Variants in TMC1 observed in about 807,000 individuals in gnomAD.
TMC1 encodes the protein transmembrane channel-like protein 1.
Under a neutral mutation model 105.8 loss-of-function variants are expected in TMC1, and 84 were observed. The ratio of observed to expected loss-of-function variants is 0.79; its 90% CI spans 0.67 to 0.95. The LOEUF (loss-of-function observed/expected upper bound fraction) is 0.95. TMC1 is among the 40% of genes least tolerant of loss of function. The pLI is 0.00. For missense variants in TMC1, 817 were observed against 914.1 expected (o/e 0.89, Z 1.37); for synonymous variants, 315 against 311.5 (o/e 1.01, Z -0.12).
chr9:72,832,586 G>A (rs1829057985), intron 23 of TMC1, among the ~76,000 whole-genome samples: 2 of 152,136 alleles, frequency 1.3e-5, no homozygotes, highest in South Asian at 4.1e-4. Context: ...CACTGGGGAG[G>A]TCACACCTAC....
intron 1 of TMC1, among the ~76,000 whole-genome samples, chr9:72,571,479 G>A (rs759422990): frequency 9.1e-4 from 126 of 139,050 alleles, no homozygotes; most frequent in Admixed American, 2.7e-3. Context: ...GTGGAGTCTC[G>A]CTCTGTCGCC....
intron 4 of TMC1, among the ~76,000 whole-genome samples, chr9:72,631,754 C>G (rs970379807): frequency 1.3e-5 from 2 of 152,126 alleles, no homozygotes; most frequent in Non-Finnish European, 2.9e-5. Flanking sequence ...AACACCAAAT[C>G]TGAGCATGTG....
chr9:72,786,317 G>A (rs548276161), intron 13 of TMC1, among the ~76,000 whole-genome samples: 1 of 152,098 alleles, frequency 6.6e-6, no homozygotes, highest in Non-Finnish European at 1.5e-5. Flanking sequence ...GGTGGCGGGC[G>A]CCTGTAGTCC....
intron 5 of TMC1, among the ~76,000 whole-genome samples, chr9:72,650,078 T>A (rs1230378772): frequency 1.3e-5 from 2 of 152,202 alleles, no homozygotes; most frequent in Admixed American, 6.5e-5. Context: ...ATATATGCTG[T>A]TGCAGAAAAT....
chr9:72,527,881 A>G (rs947136641), intron 1 of TMC1, among the ~76,000 whole-genome samples: 7 of 152,128 alleles, frequency 4.6e-5, no homozygotes, highest in African/African-American at 1.7e-4. Flanking sequence ...TGATTCCCAC[A>G]TCTCCATTTA....
At chr9:72,830,602 C>T in intron 22 of TMC1, 29 bp from the exon 23 acceptor site, 3 of 1,611,982 alleles carry the variant, frequency 1.9e-6, no homozygotes, top group African/African-American at 2.7e-5. Flanking sequence ...GAGAAATCTA[C>T]TTTTTTCCCC....
At chr9:72,677,875 A>G (rs1451347469) in intron 5 of TMC1, among the ~76,000 whole-genome samples, 2 of 152,138 alleles carry the variant, frequency 1.3e-5, no homozygotes, top group Admixed American at 1.3e-4. Flanking sequence ...ATCCTGTAAT[A>G]TGAATGGTGT....
chr9:72,805,237 T>G (rs1474195231), intron 17 of TMC1, 145 bp from the exon 18 acceptor site: 21 of 659,138 alleles, frequency 3.2e-5, no homozygotes, highest in Middle Eastern at 5.7e-4. Flanking sequence ...TTTTATTTAC[T>G]TGATATGACT....
At chr9:72,551,449 C>T (rs1436583366) in intron 1 of TMC1, among the ~76,000 whole-genome samples, 1 of 152,132 alleles carries the variant, frequency 6.6e-6, no homozygotes, top group Non-Finnish European at 1.5e-5. Context: ...GCACTATGAG[C>T]CCATGATTTA....
intron 1 of TMC1, among the ~76,000 whole-genome samples, chr9:72,577,476 T>A (rs779451040): frequency 6.6e-6 from 1 of 152,216 alleles, no homozygotes; most frequent in Non-Finnish European, 1.5e-5. Flanking sequence ...GTGCACTTCA[T>A]AATGCCTCCA....
chr9:72,663,982 A>G (rs1826004782), intron 5 of TMC1, among the ~76,000 whole-genome samples: 1 of 152,158 alleles, frequency 6.6e-6, no homozygotes, highest in South Asian at 2.1e-4. Flanking sequence ...CACCACCTCC[A>G]CATCTTGTCC....
chr9:72,707,867 A>G (rs547421087), intron 8 of TMC1, among the ~76,000 whole-genome samples: 1 of 152,218 alleles, frequency 6.6e-6, no homozygotes, highest in African/African-American at 2.4e-5. Flanking sequence ...TTCTGATGTT[A>G]TCTTCCAGAA....
At chr9:72,580,929 A>G (rs1461601714) in intron 2 of TMC1, among the ~76,000 whole-genome samples, 1 of 152,188 alleles carries the variant, frequency 6.6e-6, no homozygotes, top group Non-Finnish European at 1.5e-5. Flanking sequence ...TGCTAGCATG[A>G]TGCCCCATCC....
intron 17 of TMC1, among the ~76,000 whole-genome samples, chr9:72,802,128 T>G (rs1488999685): frequency 6.6e-6 from 1 of 152,120 alleles, no homozygotes; most frequent in Non-Finnish European, 1.5e-5. Context: ...CATGGAGGCA[T>G]GTGTCTGTAG....
intron 1 of TMC1, among the ~76,000 whole-genome samples, chr9:72,570,505 T>C (rs1363837311): frequency 3.3e-5 from 5 of 151,990 alleles, no homozygotes; most frequent in Non-Finnish European, 7.4e-5. Flanking sequence ...TATATTCTTT[T>C]ATGTGGCCAT....
At chr9:72,613,731 C>G (rs1217294882) in intron 2 of TMC1, among the ~76,000 whole-genome samples, 1 of 151,916 alleles carries the variant, frequency 6.6e-6, no homozygotes, top group East Asian at 1.9e-4. Flanking sequence ...AGAATACTGA[C>G]AAGCGTGTTT....
rs71359515 is a variant in TMC1 at position 72,685,100 on chromosome 9, C to CTTTTTTTTTTTTT, written c.17-3597_17-3585dup. Reference sequence around the variant, plus strand: ...CAAACCTTACTGTTATAAAGTCATTCTTTTTTTTTTTTTTTTTTTTTTTTG... The same window carrying CTTTTTTTTTTTTT: ...CAAACCTTACTGTTATAAAGTCATTCTTTTTTTTTTTTTTTTTTTTTTTTTTTTTTTTTTTTTG... On this transcript the variant is annotated intron_variant, in intron 5 of 23. Coordinates refer to ENST00000297784, the MANE Select transcript of TMC1 (RefSeq NM_138691.3). Among the ~76,000 whole-genome samples, 57 of 91,042 alleles carry CTTTTTTTTTTTTT rather than the reference C, an allele frequency of 6.3e-4. 3 individuals are homozygous for CTTTTTTTTTTTTT. The highest frequency in any genetic ancestry group is 2.6e-3 in the African/African-American group (55 of 21,114). 59.7% of individuals were successfully genotyped at this position (91,042 alleles called of 152,430 possible). A position where few individuals can be genotyped will look rare whatever the true frequency, so the allele number is the denominator to read the frequency against.
intron 1 of TMC1, among the ~76,000 whole-genome samples, chr9:72,534,533 CAT>C (rs1287169901): frequency 6.6e-6 from 1 of 152,136 alleles, no homozygotes. Context: ...AGCTAACACA[CAT>C]GTAGATTATA....
At chr9:72,765,702 T>G (rs958020490) in intron 12 of TMC1, among the ~76,000 whole-genome samples, 2 of 151,470 alleles carry the variant, frequency 1.3e-5, no homozygotes, top group African/African-American at 4.9e-5. Flanking sequence ...TATGCTCAAG[T>G]CAGACTTTAT....
Sources: gnomAD v4.1 joint callset for allele counts (sites outside exome capture counted in the v4.1 genomes callset) on GRCh38, gnomAD v4.1.1 for gene constraint, MANE v1.5 for transcripts, NCBI Gene and HGNC (gene_info 2026-07-23, HGNC 2026-07-21) for gene names.